Variants in STK3 observed in about 807,000 individuals in gnomAD.
STK3 encodes serine/threonine-protein kinase 3.
STK3 carries 41 observed loss-of-function variants against 58.0 expected under a neutral mutation model. The ratio of observed to expected loss-of-function variants is 0.71; its 90% CI spans 0.55 to 0.92. The LOEUF is 0.92. Ranked by LOEUF, STK3 falls within the 40% of genes least tolerant of loss-of-function variation. The probability of loss-of-function intolerance (pLI) is 0.00; values close to 1 mark genes in which losing one functional copy is unlikely to be tolerated. For synonymous variants in STK3, 170 were observed against 191.0 expected, an observed-to-expected ratio of 0.89 and a Z score of 0.91; for missense variants, 479 against 602.7, an observed-to-expected ratio of 0.79 and a Z score of 2.15.
downstream of STK3, among the ~76,000 whole-genome samples, chr8:98,453,080 G>GTTTTTTTTTTTTTT (rs919288019): frequency 7.6e-5 from 3 of 39,680 alleles, no homozygotes; most frequent in Non-Finnish European, 9.4e-5. Flanking sequence ...TTTCTTTCTT[G>GTTTTTTTTTTTTTT]TTTTTTTTTT....
chr8:98,870,210 T>C (rs2131873041), intron 3 of STK3, among the ~76,000 whole-genome samples: 1 of 152,322 alleles, frequency 6.6e-6, no homozygotes, highest in African/African-American at 2.4e-5. Context: ...TTCCATGGTG[T>C]ATGTGCCACA....
intron 1 of STK3, among the ~76,000 whole-genome samples, chr8:98,793,330 TA>T (rs199908259): frequency 6.6e-6 from 1 of 151,440 alleles, no homozygotes; most frequent in East Asian, 1.9e-4. Flanking sequence ...TTATGGAAAT[TA>T]AAAAAAAATT....
In STK3 at chr8:98,504,847, T is replaced by C. The variant is rs904202504; in HGVS notation, c.1317+21895A>G. Among the ~76,000 whole-genome samples the C allele has an allele frequency of 4.3e-4, 65 of 152,208 alleles. 1 individual carries two copies. Among genetic ancestry groups the C allele is most frequent in the Non-Finnish European group, 5.9e-5 (4 of 68,034 alleles). On this transcript the variant is annotated intron_variant, in intron 10 of 10. Coordinates refer to ENST00000419617, the MANE Select transcript of STK3 (RefSeq NM_006281.4). ...ATTTTTTCCTTCATTTCAACCTTGG[T>C]GAATCTGACAATTATGTGTCTTGGG...
At chr8:98,678,264 T>C (rs1823370933) in intron 6 of STK3, among the ~76,000 whole-genome samples, 1 of 151,856 alleles carries the variant, frequency 6.6e-6, no homozygotes, top group African/African-American at 2.4e-5. Flanking sequence ...CAATAGAGAG[T>C]TCTTAACATT....
chr8:98,435,614 A>G (rs1001207618), intron 2 of STK3, among the ~76,000 whole-genome samples: 1 of 152,114 alleles, frequency 6.6e-6, no homozygotes, highest in African/African-American at 2.4e-5. Flanking sequence ...GCGGCTCTGC[A>G]GGACTCCATC....
chr8:98,537,028 A>C (rs1439598046), intron 9 of STK3, among the ~76,000 whole-genome samples: 1 of 152,164 alleles, frequency 6.6e-6, no homozygotes, highest in Non-Finnish European at 1.5e-5. Flanking sequence ...AAAATAACCC[A>C]CTCCTAAGAT....
At chr8:98,767,417 CTA>C (rs1474861033) in intron 2 of STK3, 46 bp from the exon 3 acceptor site, 1 of 1,519,798 alleles carries the variant, frequency 6.6e-7, no homozygotes, top group Non-Finnish European at 8.8e-7. Context: ...AACATCGTAA[CTA>C]TAAGATTAAA....
chr8:98,590,361 G>A (rs1363254509), intron 7 of STK3, among the ~76,000 whole-genome samples: 1 of 152,176 alleles, frequency 6.6e-6, no homozygotes, highest in Non-Finnish European at 1.5e-5. Flanking sequence ...CGTCCGTGAT[G>A]GGGTAGAGGG....
intron 1 of STK3, among the ~76,000 whole-genome samples, chr8:98,444,503 T>C (rs116982247): frequency 0.013 from 1,979 of 152,162 alleles, 22 homozygotes; most frequent in Non-Finnish European, 0.02. Context: ...CAGGAGACAA[T>C]GAGGCCTGAA....
chr8:98,600,827 C>A (rs111714044), intron 6 of STK3, among the ~76,000 whole-genome samples: 1 of 151,740 alleles, frequency 6.6e-6, no homozygotes, highest in Non-Finnish European at 1.5e-5. Context: ...AATTACAAAA[C>A]CACAAAGAAA....
intron 1 of STK3, among the ~76,000 whole-genome samples, chr8:98,811,945 G>A (rs1489461755): frequency 6.6e-6 from 1 of 152,190 alleles, no homozygotes; most frequent in Non-Finnish European, 1.5e-5. Flanking sequence ...AAGTAGCTGG[G>A]ATTATAGGTA....
chr8:98,414,496 C>G (rs1190975872), intron 3 of STK3, among the ~76,000 whole-genome samples: 1 of 152,184 alleles, frequency 6.6e-6, no homozygotes, highest in African/African-American at 2.4e-5. Context: ...CAAAGTCCCA[C>G]TCATCCCTCC....
intron 9 of STK3, among the ~76,000 whole-genome samples, chr8:98,540,385 G>A (rs1220862126): frequency 6.6e-6 from 1 of 152,192 alleles, no homozygotes; most frequent in African/African-American, 2.4e-5. Flanking sequence ...ACATACTTGT[G>A]AGGCTGGTTA....
chr8:98,431,393 C>T (rs1818327127), intron 3 of STK3: 1 of 167,084 alleles, frequency 6.0e-6, no homozygotes, highest in Non-Finnish European at 1.5e-5. Flanking sequence ...TTAGAGGCAA[C>T]TGGGCACTGA....
chr8:98,371,473 G>A (rs1272568007), exon 3 of STK3: 1 of 152,218 alleles, frequency 6.6e-6, no homozygotes, highest in African/African-American at 2.4e-5. Context: ...GCTTTCATTC[G>A]AAAGCACATG....
chr8:98,882,937 T>G (rs1837852196), downstream of STK3: 1 of 152,182 alleles, frequency 6.6e-6, no homozygotes, highest in African/African-American at 2.4e-5. Context: ...TTTCTAAGCC[T>G]TATCTGGGAA....
Position 98,711,847 on chromosome 8 carries a change from T to C in STK3, c.352-4536A>G, listed in dbSNP as rs1364204816. ...CACATAATTGTCAGATTCACCAAAGTTGAAATGAAGGAAAAAATGTTAACA... is the reference window on the plus strand; with the variant it reads ...CACATAATTGTCAGATTCACCAAAGCTGAAATGAAGGAAAAAATGTTAACA... On this transcript the variant is annotated intron_variant, in intron 4 of 10. Transcript: ENST00000419617. Among the ~76,000 whole-genome samples, 10 of 152,044 alleles carry C rather than the reference T, an allele frequency of 6.6e-5. No homozygotes were observed. In the South Asian group the frequency reaches 2.1e-3, roughly 32 times the overall value.
At chr8:98,869,015 A>AG in intron 3 of STK3, among the ~76,000 whole-genome samples, 1 of 118,858 alleles carries the variant, frequency 8.4e-6, no homozygotes, top group Non-Finnish European at 1.8e-5. Context: ...AGAGAGAGAA[A>AG]AAGGAAAGAA....
At position 98,762,384 on chromosome 8, in the gene STK3, T is replaced by C. The variant is rs183138154; in HGVS notation, c.236+4859A>G. On this transcript the variant is annotated intron_variant, in intron 3 of 10. Coordinates refer to ENST00000419617, the MANE Select transcript of STK3 (RefSeq NM_006281.4). ...GATTCTCCTGCCTCAGCCTCCCCAG[T>C]AGCTGGGATTACAGGTGCCTGCCAC... Among the ~76,000 whole-genome samples the C allele has an allele frequency of 1.4e-3, 208 of 152,286 alleles. 1 individual carries two copies. Among genetic ancestry groups the C allele is most frequent in the African/African-American group, 4.9e-3 (205 of 41,564 alleles).
Sources: allele counts gnomAD v4.1 joint callset (sites outside exome capture counted in the v4.1 genomes callset), GRCh38; gene constraint gnomAD v4.1.1; transcripts MANE v1.5; gene names NCBI Gene and HGNC (gene_info 2026-07-23, HGNC 2026-07-21).